Variants in SH3GL3 observed in about 807,000 individuals in gnomAD.
The protein encoded by SH3GL3 is SH3 domain containing GRB2 like 3, endophilin A3.
In SH3GL3, 33 loss-of-function variants were observed where a neutral mutation model predicts 47.7. That is an observed-to-expected ratio of 0.69 (90% confidence interval 0.52 to 0.92). The LOEUF is 0.92. Ranked by LOEUF, SH3GL3 falls within the 40% of genes least tolerant of loss-of-function variation. The pLI is 0.00. For synonymous variants in SH3GL3, 155 were observed against 148.8 expected (o/e 1.04, Z -0.30); for missense variants, 363 against 417.8 (o/e 0.87, Z 1.14).
At chr15:83,508,088 C>T (rs1283935833) in intron 1 of SH3GL3, among the ~76,000 whole-genome samples, 2 of 151,738 alleles carry the variant, frequency 1.3e-5, no homozygotes, top group Admixed American at 6.6e-5. Flanking sequence ...ACTACAGGTG[C>T]GCACCACCAC....
At chr15:83,575,035 T>C (rs1482944804) in intron 5 of SH3GL3, among the ~76,000 whole-genome samples, 1 of 152,244 alleles carries the variant, frequency 6.6e-6, no homozygotes, top group Non-Finnish European at 1.5e-5. Context: ...TGGTTTGTGC[T>C]CACACATTAT....
intron 1 of SH3GL3, among the ~76,000 whole-genome samples, chr15:83,534,368 T>C (rs1250593569): frequency 6.6e-6 from 1 of 152,192 alleles, no homozygotes; most frequent in African/African-American, 2.4e-5. Context: ...GAGTTACTTC[T>C]AGTGCAGCAG....
At chr15:83,562,343 A>T (rs995921072) in intron 2 of SH3GL3, among the ~76,000 whole-genome samples, 20 of 152,104 alleles carry the variant, frequency 1.3e-4, no homozygotes, top group African/African-American at 4.3e-4. Context: ...GTTTCAAAAG[A>T]TATAAAAAAG....
chr15:83,527,802 G>A (rs1360203657), intron 1 of SH3GL3, among the ~76,000 whole-genome samples: 1 of 151,950 alleles, frequency 6.6e-6, no homozygotes, highest in Non-Finnish European at 1.5e-5. Flanking sequence ...CTCTCTTAGT[G>A]TTTATCATTG....
intron 1 of SH3GL3, among the ~76,000 whole-genome samples, chr15:83,535,498 C>G (rs998126451): frequency 1.3e-5 from 2 of 152,090 alleles, no homozygotes; most frequent in African/African-American, 4.8e-5. Context: ...ATAAATCTCC[C>G]TAAAGGAAGA....
intron 6 of SH3GL3, 123 bp downstream of exon 6, chr15:83,576,864 C>T (rs2059695522): frequency 1.8e-6 from 1 of 552,612 alleles, no homozygotes; most frequent in Non-Finnish European, 3.1e-6. Context: ...TTCCCTGGGC[C>T]ACACATAAAA....
intron 1 of SH3GL3, among the ~76,000 whole-genome samples, chr15:83,473,667 C>T (rs2040948842): frequency 1.3e-5 from 2 of 151,818 alleles, no homozygotes; most frequent in Non-Finnish European, 2.9e-5. Flanking sequence ...CCTGCCTCAG[C>T]CTCCCGAGTA....
At position 83,572,646 on chromosome 15, in the gene SH3GL3, CTTTTATTGATCCACTTCAG is replaced by C. The variant is rs773362680; in HGVS notation, c.416_434del (p.Phe139TyrfsTer7). On this transcript the variant is annotated frameshift_variant, in exon 5 of 9. Coordinates refer to ENST00000427482, the MANE Select transcript of SH3GL3 (RefSeq NM_003027.5). LOFTEE classifies it high-confidence loss of function. Reference sequence around the variant, plus strand: ...TCTCTTGATATTAATGTAAAGCAAACTTTTATTGATCCACTTCAGTTACTACAAGATAAAGATTTAAAAG... The same window carrying C: ...TCTCTTGATATTAATGTAAAGCAAACTTACTACAAGATAAAGATTTAAAAG... 5 of 1,611,282 alleles carry C rather than the reference CTTTTATTGATCCACTTCAG, an allele frequency of 3.1e-6. No homozygotes were observed. The African/African-American group carries it at 6.7e-5, about 22-fold the overall frequency.
chr15:83,629,240 A>C, the SH3GL3 span, among the ~76,000 whole-genome samples: 1 of 152,228 alleles, frequency 6.6e-6, no homozygotes, highest in Non-Finnish European at 1.5e-5. Context: ...AAAATTATAC[A>C]GAAATCCAAA....
At chr15:83,479,702 A>T (rs938357385) in intron 1 of SH3GL3, among the ~76,000 whole-genome samples, 6 of 152,236 alleles carry the variant, frequency 3.9e-5, no homozygotes, top group Middle Eastern at 3.4e-3. Context: ...TGAAGGTTGC[A>T]GGTGTTTGTG....
intron 1 of SH3GL3, among the ~76,000 whole-genome samples, chr15:83,504,812 G>A (rs2042429027): frequency 6.6e-6 from 1 of 152,208 alleles, no homozygotes; most frequent in Non-Finnish European, 1.5e-5. Flanking sequence ...TAACAGCCAT[G>A]TGAGCTGTTT....
At chr15:83,520,219 A>G (rs2043149748) in intron 1 of SH3GL3, among the ~76,000 whole-genome samples, 1 of 152,174 alleles carries the variant, frequency 6.6e-6, no homozygotes, top group African/African-American at 2.4e-5. Flanking sequence ...CCAGAGGGAG[A>G]AATTGTCTTT....
intron 2 of SH3GL3, among the ~76,000 whole-genome samples, chr15:83,560,501 G>A (rs543144018): frequency 6.6e-6 from 1 of 152,188 alleles, no homozygotes; most frequent in Non-Finnish European, 1.5e-5. Flanking sequence ...AATAGGTGAT[G>A]TATAGCTTTG....
At chr15:83,570,962 A>G (rs948986323) in intron 4 of SH3GL3, among the ~76,000 whole-genome samples, 1 of 152,200 alleles carries the variant, frequency 6.6e-6, no homozygotes, top group African/African-American at 2.4e-5. Context: ...CAGCCAGACA[A>G]TTTGGTAGCT....
chr15:83,530,498 G>A (rs1006560893), intron 1 of SH3GL3, among the ~76,000 whole-genome samples: 1 of 152,026 alleles, frequency 6.6e-6, no homozygotes, highest in Non-Finnish European at 1.5e-5. Context: ...TCTTTTAGAT[G>A]TTCTATTTGA....
intron 8 of SH3GL3, among the ~76,000 whole-genome samples, chr15:83,594,126 A>C (rs1183963453): frequency 1.3e-5 from 2 of 152,306 alleles, no homozygotes; most frequent in East Asian, 3.9e-4. Flanking sequence ...GCCTTCATAG[A>C]TTTTAAAAAT....
chr15:83,576,921 A>ATTTATTTTTTTTT (rs2059697831), intron 6 of SH3GL3, among the ~76,000 whole-genome samples, 180 bp downstream of exon 6: 1 of 86,564 alleles, frequency 1.2e-5, no homozygotes, highest in South Asian at 3.5e-4. Flanking sequence ...AAAAATCATA[A>ATTTATTTTTTTTT]TTTTTTTTTT....
chr15:83,546,066 CT>C (rs1435076679), intron 1 of SH3GL3, among the ~76,000 whole-genome samples: 1 of 152,086 alleles, frequency 6.6e-6, no homozygotes, highest in East Asian at 1.9e-4. Flanking sequence ...GCCAAGGACT[CT>C]TTAGTCAGCA....
intron 1 of SH3GL3, among the ~76,000 whole-genome samples, chr15:83,513,665 A>G (rs1250655394): frequency 6.6e-6 from 1 of 152,076 alleles, no homozygotes; most frequent in African/African-American, 2.4e-5. Flanking sequence ...TGGTTGATGC[A>G]TCTGTCTCTC....
Sources: gnomAD v4.1 joint callset for allele counts (sites outside exome capture counted in the v4.1 genomes callset) on GRCh38, gnomAD v4.1.1 for gene constraint, MANE v1.5 for transcripts, NCBI Gene and HGNC (gene_info 2026-07-23, HGNC 2026-07-21) for gene names.